SLF2: variants seen among roughly 807,000 people sequenced by gnomAD.
The protein encoded by SLF2 is SMC5/6 complex localization factor 2.
In SLF2, 68 loss-of-function variants were observed where a neutral mutation model predicts 124.3. The observed-to-expected ratio is 0.55, with a 90% confidence interval of 0.45 to 0.67. The LOEUF is 0.67. SLF2 is among the 30% of genes least tolerant of loss of function. SLF2 has a pLI of 0.00. For synonymous variants in SLF2, 480 were observed against 478.8 expected, an observed-to-expected ratio of 1.00 and a Z score of -0.03; for missense variants, 1,246 against 1,373.7, an observed-to-expected ratio of 0.91 and a Z score of 1.47.
chr10:100,922,564 T>G (rs1040264443), intron 4 of SLF2, among the ~76,000 whole-genome samples: 1 of 152,226 alleles, frequency 6.6e-6, no homozygotes, highest in South Asian at 2.1e-4. Context: ...TGCAGAAAAT[T>G]TGATTTAGGG....
chr10:100,926,446 A>T, intron 6 of SLF2: 1 of 596,784 alleles, frequency 1.7e-6, no homozygotes, highest in Non-Finnish European at 2.7e-6. Flanking sequence ...TCTACAAAAA[A>T]TACAAAAATT....
Position 100,924,879 on chromosome 10 carries a change from A to G in SLF2, c.1878A>G (p.Glu626=). 1 of 1,614,210 alleles carries G rather than the reference A, an allele frequency of 6.2e-7. No homozygotes were observed. Among genetic ancestry groups the G allele is most frequent in the East Asian group, 2.2e-5 (1 of 44,890 alleles). The change falls in exon 5 of 20, where the codon GAA becomes GAG. Residue 626 remains glutamate, a synonymous_variant. Coordinates refer to ENST00000238961, the MANE Select transcript of SLF2 (RefSeq NM_018121.4). ...AGGAAACATTAAAGTCACTGGAAGA[A>G]ATAATGGCTTTGAACTTCAATCAGA... ...EEEETLKSLE[E]IMALNFNQTP...
chr10:100,917,986 C>CT (rs1299224135), intron 3 of SLF2, among the ~76,000 whole-genome samples: 1 of 152,154 alleles, frequency 6.6e-6, no homozygotes, highest in Non-Finnish European at 1.5e-5. Context: ...ACTTAGGAGG[C>CT]TAAGGTGGGA....
chr10:100,923,393 A>G (rs1207761949), intron 4 of SLF2, among the ~76,000 whole-genome samples: 2 of 152,072 alleles, frequency 1.3e-5, no homozygotes, highest in African/African-American at 4.8e-5. Flanking sequence ...CTCCAGTCAC[A>G]TAGCATCTTT....
At chr10:100,917,514 A>G (rs933444817) in intron 3 of SLF2, among the ~76,000 whole-genome samples, 2 of 152,100 alleles carry the variant, frequency 1.3e-5, no homozygotes, top group Non-Finnish European at 2.9e-5. Flanking sequence ...TAGTTTTTTC[A>G]GACTGGGAAC....
intron 4 of SLF2, among the ~76,000 whole-genome samples, chr10:100,922,185 C>T (rs1252452098): frequency 2.0e-5 from 3 of 152,158 alleles, no homozygotes; most frequent in Admixed American, 1.3e-4. Flanking sequence ...CTCAAGCAGT[C>T]CTCCCACCTG....
chr10:100,922,741 A>G (rs1427737686), intron 4 of SLF2, among the ~76,000 whole-genome samples: 1 of 151,008 alleles, frequency 6.6e-6, no homozygotes, highest in Non-Finnish European at 1.5e-5. Flanking sequence ...AGCTGGGACT[A>G]TATAGGCACA....
At chr10:100,920,211 C>T (rs1386027869) in intron 4 of SLF2, among the ~76,000 whole-genome samples, 1 of 152,170 alleles carries the variant, frequency 6.6e-6, no homozygotes, top group Non-Finnish European at 1.5e-5. Context: ...CACCTTGCAC[C>T]AAAGTTAATG....
chr10:100,930,753 G>A (rs955855100), intron 8 of SLF2, among the ~76,000 whole-genome samples: 1 of 152,158 alleles, frequency 6.6e-6, no homozygotes, highest in Admixed American at 6.5e-5. Flanking sequence ...AGCTTTGTCT[G>A]CCAGTTAAAT....
At position 100,917,203 on chromosome 10, in the gene SLF2, T is replaced by C. The variant is rs144472188; in HGVS notation, c.818T>C (p.Leu273Pro). The change falls in exon 3 of 20, where the codon CTT becomes CCT. Residue 273 changes from leucine (L) to proline (P), a missense_variant. Leu to Pro is a moderately conservative substitution (Grantham distance 98). Around this residue, in one of 3 missense-constraint regions of SLF2, gnomAD observed 698 missense variants for 708.9 expected, o/e 0.98. Coordinates refer to ENST00000238961, the MANE Select transcript of SLF2 (RefSeq NM_018121.4). The part of the protein sequence containing the change: ...SENSFSEASS[L>P]SLKSSIERKY... ...AATTCTTTCTCAGAAGCAAGCAGTC[T>C]TTCCTTAAAATCTAGTATAGAAAGA... 6 of 1,613,912 alleles carry C rather than the reference T, an allele frequency of 3.7e-6. No homozygotes were observed. Among genetic ancestry groups the C allele is most frequent in the Non-Finnish European group, 5.1e-6 (6 of 1,180,036 alleles).
rs1849910075 is a variant in SLF2 at position 100,938,629 on chromosome 10, C to T, written c.2547C>T (p.Ile849=). ...GTGACTCACCAGTTTGGCCATGGAT[C>T]CCATCATTGTCTGATGTAGCAGCTG... is the stretch of plus-strand genomic sequence containing the variant. The part of the protein sequence containing the change: ...TFSDSPVWPW[I]PSLSDVAAVF... Residue 849 remains isoleucine (I), a synonymous_variant, in exon 11 of 20, where the codon ATC becomes ATT. Coordinates refer to ENST00000238961, the MANE Select transcript of SLF2 (RefSeq NM_018121.4). The T allele has an allele frequency of 2.5e-6, 4 of 1,611,826 alleles. No homozygotes were observed. The highest frequency in any genetic ancestry group is 1.1e-5 in the South Asian group (1 of 90,714).
intron 18 of SLF2, among the ~76,000 whole-genome samples, chr10:100,957,967 T>C (rs1384673309): frequency 2.0e-5 from 3 of 152,116 alleles, no homozygotes; most frequent in African/African-American, 7.2e-5. Flanking sequence ...GAGAATCCCT[T>C]GAACCCAGGA....
intron 17 of SLF2, among the ~76,000 whole-genome samples, chr10:100,952,249 A>G (rs1459979804): frequency 6.7e-6 from 1 of 149,662 alleles, no homozygotes; most frequent in African/African-American, 2.5e-5. Flanking sequence ...ATCTCAAAAA[A>G]AAAAACCTTA....
At chr10:100,950,328 A>C in intron 16 of SLF2, 121 bp downstream of exon 16, 3 of 1,094,394 alleles carry the variant, frequency 2.7e-6, no homozygotes, top group Non-Finnish European at 2.5e-6. Context: ...TAGCAAACAT[A>C]ATTTTAAAGC....
At chr10:100,925,345 A>G (rs1276552706) in intron 5 of SLF2, among the ~76,000 whole-genome samples, 1 of 152,234 alleles carries the variant, frequency 6.6e-6, no homozygotes, top group Non-Finnish European at 1.5e-5. Flanking sequence ...GAAGTGACGT[A>G]GAAGTTACTA....
intron 4 of SLF2, among the ~76,000 whole-genome samples, chr10:100,918,999 A>ATTT (rs1589942411): frequency 6.5e-5 from 6 of 92,114 alleles, no homozygotes; most frequent in South Asian, 3.8e-4. Context: ...AGGAAACATA[A>ATTT]TCTTTTTTTT....
At chr10:100,933,038 T>C (rs1040325516) in intron 9 of SLF2, among the ~76,000 whole-genome samples, 1 of 152,120 alleles carries the variant, frequency 6.6e-6, no homozygotes, top group African/African-American at 2.4e-5. Flanking sequence ...TTTCTACTTA[T>C]TATAGTTCAA....
chr10:100,956,918 C>CT (rs1242105329), intron 18 of SLF2, among the ~76,000 whole-genome samples: 2 of 152,124 alleles, frequency 1.3e-5, no homozygotes. Context: ...GAGTAGGACT[C>CT]TGTCTCGAAA....
At chr10:100,915,966 T>G (rs765099545) in intron 1 of SLF2, 33 bp from the exon 2 acceptor site, 2 of 1,525,216 alleles carry the variant, frequency 1.3e-6, no homozygotes, top group Middle Eastern at 4.3e-4. Flanking sequence ...TAATATTTGC[T>G]TATATGATGC....
Sources: allele counts gnomAD v4.1 joint callset (sites outside exome capture counted in the v4.1 genomes callset), GRCh38; gene constraint gnomAD v4.1.1; regional missense constraint gnomAD v4.1.1; transcripts MANE v1.5; gene names NCBI Gene and HGNC (gene_info 2026-07-23, HGNC 2026-07-21).